Variants in ERN1 observed in about 807,000 individuals in gnomAD.
The protein encoded by ERN1 is endoplasmic reticulum to nucleus signaling 1.
A neutral mutation model predicts 113.1 loss-of-function variants in ERN1; 39 were observed. The observed-to-expected ratio is 0.34, with a 90% confidence interval of 0.27 to 0.45. The LOEUF is 0.45. ERN1 is among the 20% of genes least tolerant of loss of function. The probability of loss-of-function intolerance (pLI) is 1.00; values close to 1 mark genes in which losing one functional copy is unlikely to be tolerated. For synonymous variants in ERN1, 507 were observed against 515.9 expected, an observed-to-expected ratio of 0.98 and a Z score of 0.23; for missense variants, 976 against 1,274.8, an observed-to-expected ratio of 0.77 and a Z score of 3.57.
At chr17:64,052,156 C>T (rs993655395) in intron 17 of ERN1, among the ~76,000 whole-genome samples, 1 of 152,160 alleles carries the variant, frequency 6.6e-6, no homozygotes, top group African/African-American at 2.4e-5. Flanking sequence ...GAGTTCAAGA[C>T]CAGCCTGGGC....
At chr17:64,115,476 G>A (rs1218801312) in intron 1 of ERN1, among the ~76,000 whole-genome samples, 1 of 152,110 alleles carries the variant, frequency 6.6e-6, no homozygotes, top group African/African-American at 2.4e-5. Context: ...AAAAAAGACG[G>A]CAAGTTCCAT....
chr17:64,112,710 C>A (rs1278055700), intron 1 of ERN1, among the ~76,000 whole-genome samples: 1 of 152,220 alleles, frequency 6.6e-6, no homozygotes, highest in Non-Finnish European at 1.5e-5. Flanking sequence ...CATGGAGATT[C>A]CTGATGGGTG....
intron 1 of ERN1, chr17:64,102,691 T>C (rs1914420334): frequency 1.0e-5 from 10 of 985,288 alleles, no homozygotes; most frequent in African/African-American, 1.7e-5. Flanking sequence ...TGAAAAACGC[T>C]GCTTCACAAA....
At position 64,068,295 on chromosome 17, in the gene ERN1, A is replaced by C; in HGVS notation, c.479-4T>G. 3 of 1,606,378 alleles carry C rather than the reference A, an allele frequency of 1.9e-6. No homozygotes were observed. The highest frequency in any genetic ancestry group is 2.6e-6 in the Non-Finnish European group (3 of 1,175,090). ...TCGTACATGGTGATGGTGTATTCTA[A>C]AGAACACAGACCAGCCAGCCCATTA... On this transcript the variant is annotated splice_polypyrimidine_tract_variant and splice_region_variant and intron_variant, in intron 6 of 21. Coordinates refer to ENST00000433197, the MANE Select transcript of ERN1 (RefSeq NM_001433.5).
Position 64,075,235 on chromosome 17 carries a change from TA to T in ERN1, c.294del (p.Phe98LeufsTer34). 6.6e-6 allele frequency: 9 copies of T among 1,360,812 alleles called. No individual in the cohort carries two copies. The highest frequency in any genetic ancestry group is 8.6e-6 in the Non-Finnish European group (9 of 1,040,858). The allele number at this position is 1,360,812 out of a possible 1,614,324, so 84.3% of individuals were successfully genotyped here. ...KNNEGLTKLP[F>X]TIPELVQASP... is the part of the protein sequence containing the mutation. ...GATGCCTGCACCAATTCTGGGATGGTAAAAGGAAGTTTCTTTAAAAAAAAAA... is the reference window on the plus strand; with the variant it reads ...GATGCCTGCACCAATTCTGGGATGGTAAAGGAAGTTTCTTTAAAAAAAAAA... On this transcript the variant is annotated frameshift_variant, in exon 5 of 22. Transcript: ENST00000433197. LOFTEE classifies it high-confidence loss of function.
At chr17:64,087,878 T>C (rs914152494) in intron 2 of ERN1, among the ~76,000 whole-genome samples, 1 of 152,098 alleles carries the variant, frequency 6.6e-6, no homozygotes, top group Non-Finnish European at 1.5e-5. Context: ...AAGGACCCTG[T>C]CAGGACCATC....
intron 2 of ERN1, among the ~76,000 whole-genome samples, chr17:64,087,275 A>G (rs1913962267): frequency 2.6e-5 from 4 of 152,194 alleles, no homozygotes; most frequent in African/African-American, 9.7e-5. Flanking sequence ...GAATAAGATC[A>G]GAACTGCCAC....
chr17:64,065,963 T>C (rs1913210348), intron 8 of ERN1, among the ~76,000 whole-genome samples: 1 of 152,144 alleles, frequency 6.6e-6, no homozygotes, highest in African/African-American at 2.4e-5. Flanking sequence ...TAAACCTCTC[T>C]CAACGAATAC....
chr17:64,102,755 T>C, intron 1 of ERN1: 1 of 985,432 alleles, frequency 1.0e-6, no homozygotes, highest in Non-Finnish European at 1.2e-6. Flanking sequence ...GTGCTCACTT[T>C]TCTCTACAAG....
intron 10 of ERN1, among the ~76,000 whole-genome samples, chr17:64,062,281 C>G (rs1320974328): frequency 6.6e-6 from 1 of 152,244 alleles, no homozygotes; most frequent in Admixed American, 6.5e-5. Flanking sequence ...GACCATGCCT[C>G]TCAAGCTAAT....
rs560042651 is a variant in ERN1 at position 64,075,258 on chromosome 17, A to AAG, written c.283-12_283-11insCT. 8.7e-6 allele frequency: 13 copies of AAG among 1,490,892 alleles called. No individual in the cohort carries two copies. Among genetic ancestry groups the AAG allele is most frequent in the Non-Finnish European group, 9.8e-6 (11 of 1,126,530 alleles). The allele number at this position is 1,490,892 out of a possible 1,614,324, so 92.4% of individuals were successfully genotyped here. ...GGTAAAAGGAAGTTTCTTTAAAAAA[A>AAG]AAAAAAAAGAAAAAAAAAAGTTAAC... On this transcript the variant is annotated splice_polypyrimidine_tract_variant and intron_variant, in intron 4 of 21. Coordinates refer to ENST00000433197, the MANE Select transcript of ERN1 (RefSeq NM_001433.5).
intron 1 of ERN1, among the ~76,000 whole-genome samples, chr17:64,117,627 C>T (rs1914844322): frequency 6.6e-6 from 1 of 152,114 alleles, no homozygotes. Flanking sequence ...GTACATTACC[C>T]CAACACTAAG....
intron 2 of ERN1, among the ~76,000 whole-genome samples, chr17:64,083,128 C>G (rs768505492): frequency 6.6e-6 from 1 of 151,766 alleles, no homozygotes; most frequent in African/African-American, 2.4e-5. Context: ...AATAATTATA[C>G]GGGGGGCGGG....
At chr17:64,114,350 C>T (rs1035513806) in intron 1 of ERN1, among the ~76,000 whole-genome samples, 19 of 152,320 alleles carry the variant, frequency 1.2e-4, no homozygotes, top group Middle Eastern at 3.4e-3. Context: ...GAAACTGCGA[C>T]AGCATAACAG....
intron 20 of ERN1, among the ~76,000 whole-genome samples, 193 bp downstream of exon 20, chr17:64,045,166 G>C (rs1484404457): frequency 1.3e-5 from 2 of 151,892 alleles, no homozygotes; most frequent in African/African-American, 4.8e-5. Context: ...TCACTCACCT[G>C]TCACTCTAGG....
intron 1 of ERN1, among the ~76,000 whole-genome samples, chr17:64,104,774 G>A (rs995884591): frequency 5.9e-5 from 9 of 151,858 alleles, no homozygotes; most frequent in African/African-American, 1.7e-4. Flanking sequence ...AGCCAAGATC[G>A]CACCACTGCA....
intron 17 of ERN1, among the ~76,000 whole-genome samples, chr17:64,051,157 GA>G (rs57358024): frequency 9.1e-4 from 131 of 143,958 alleles, no homozygotes; most frequent in African/African-American, 3.0e-3. Flanking sequence ...TAGCGATTAA[GA>G]AAAAAAAAAA....
Position 64,098,467 on chromosome 17 carries a change from C to T in ERN1, c.55-226G>A, listed in dbSNP as rs9901032. 20 of 720,970 alleles carry T rather than the reference C, an allele frequency of 2.8e-5. No homozygotes were observed. The Admixed American group carries it at 3.5e-4, about 13-fold the overall frequency. 44.7% of individuals were successfully genotyped at this position (720,970 alleles called of 1,614,324 possible). Reference sequence around the variant, plus strand: ...GCAGACAGGCAGGCTCATGACCTAACATTACAAGGACAAGAATTCTGAAAT... The same window carrying T: ...GCAGACAGGCAGGCTCATGACCTAATATTACAAGGACAAGAATTCTGAAAT... On this transcript the variant is annotated intron_variant, in intron 1 of 21. Coordinates refer to ENST00000433197, the MANE Select transcript of ERN1 (RefSeq NM_001433.5).
chr17:64,066,568 G>C, intron 8 of ERN1, 103 bp downstream of exon 8: 1 of 1,388,802 alleles, frequency 7.2e-7, no homozygotes, highest in South Asian at 1.3e-5. Context: ...TGGCTTCAGA[G>C]ACTGCCCTGT....
Sources: allele counts gnomAD v4.1 joint callset (sites outside exome capture counted in the v4.1 genomes callset), GRCh38; gene constraint gnomAD v4.1.1; transcripts MANE v1.5; gene names NCBI Gene and HGNC (gene_info 2026-07-23, HGNC 2026-07-21).